The following SLC5A10 variants were observed in gnomAD, a reference collection of about 807,000 sequenced individuals.
SLC5A10 encodes sodium/mannose cotransporter SLC5A10.
In SLC5A10, 55 loss-of-function variants were observed where a neutral mutation model predicts 68.9. The ratio of observed to expected loss-of-function variants is 0.80; its 90% CI spans 0.64 to 1.00. The LOEUF (loss-of-function observed/expected upper bound fraction) is 1.00, where lower values mean the gene tolerates loss of function less well. Ranked by LOEUF, SLC5A10 falls within the 50% of genes least tolerant of loss-of-function variation. The pLI is 0.00. For synonymous variants in SLC5A10, 344 were observed against 344.8 expected (o/e 1.00, Z 0.02); for missense variants, 732 against 819.3 (o/e 0.89, Z 1.30).
At chr17:19,014,940 A>G in intron 10 of SLC5A10, 109 bp from the exon 11 acceptor site, 1 of 1,329,832 alleles carries the variant, frequency 7.5e-7, no homozygotes. Context: ...TCTGCCTTGG[A>G]GGAGCATGCA....
intron 9 of SLC5A10, among the ~76,000 whole-genome samples, chr17:18,988,759 G>A (rs1415654180): frequency 2.6e-5 from 4 of 152,236 alleles, no homozygotes; most frequent in Non-Finnish European, 4.4e-5. Context: ...GTGGCGGCTC[G>A]CTGGGGCATC....
Position 18,952,173 on chromosome 17 carries a change from G to A in SLC5A10, c.-33G>A, listed in dbSNP as rs2073078. The A allele has an allele frequency of 0.1, 164,972 of 1,599,478 alleles. 11,070 individuals carry two copies. The highest frequency in any genetic ancestry group is 0.39 in the East Asian group (17,096 of 43,844). On this transcript the variant is annotated 5_prime_UTR_variant, in exon 1 of 15. Coordinates refer to ENST00000395645, the MANE Select transcript of SLC5A10 (RefSeq NM_001042450.4). ...GACCTGGTTTGCCCCTCAGTCCCTC[G>A]GGCTCATACCTAGTGCCTGCGGCAG...
At chr17:18,967,571 G>A (rs745920237) in intron 5 of SLC5A10, among the ~76,000 whole-genome samples, 3 of 152,228 alleles carry the variant, frequency 2.0e-5, no homozygotes, top group Non-Finnish European at 4.4e-5. Context: ...CGGGCACACA[G>A]ACCCAGGTTC....
chr17:19,007,889 T>C (rs2043929096), intron 9 of SLC5A10, among the ~76,000 whole-genome samples: 1 of 152,044 alleles, frequency 6.6e-6, no homozygotes, highest in Non-Finnish European at 1.5e-5. Context: ...TTTAACGTTT[T>C]ATTTGGGAAG....
In SLC5A10 at chr17:19,004,146, T is replaced by A; in HGVS notation, c.983-9264T>A. On this transcript the variant is annotated intron_variant, in intron 9 of 14. Transcript: ENST00000395645. This position sits in a 1 kb window ranked among gnomAD's most constrained non-coding sequence, Gnocchi z 5.4. ...CGCGCTCGGGGGCCTCTCCGCGGCCTCTGCTTCTCTGCCCATGAGCAATCT... is the reference window on the plus strand; with the variant it reads ...CGCGCTCGGGGGCCTCTCCGCGGCCACTGCTTCTCTGCCCATGAGCAATCT... 9.1e-7 allele frequency: 1 copy of A among 1,102,680 alleles called. No individual in the cohort carries two copies. The highest frequency in any genetic ancestry group is 1.3e-6 in the Non-Finnish European group (1 of 780,098). The allele number at this position is 1,102,680 out of a possible 1,614,324, so 68.3% of individuals were successfully genotyped here. A position where few individuals can be genotyped will look rare whatever the true frequency, so the allele number is the denominator to read the frequency against.
intron 11 of SLC5A10, 179 bp from the exon 12 acceptor site, chr17:19,019,244 G>T: frequency 1.5e-6 from 1 of 688,756 alleles, no homozygotes; most frequent in Non-Finnish European, 2.4e-6. Context: ...GCCACCAAAG[G>T]GTTTGGAGCA....
At chr17:18,994,645 C>T (rs1156953897) in intron 9 of SLC5A10, among the ~76,000 whole-genome samples, 1 of 152,152 alleles carries the variant, frequency 6.6e-6, no homozygotes, top group African/African-American at 2.4e-5. Context: ...GTGCCCCCAG[C>T]CAGAACAGAA....
At position 19,019,974 on chromosome 17, in the gene SLC5A10, C is replaced by T. The variant is rs2044229806; in HGVS notation, c.1626+46C>T. ...GACCCTGACCCCTAACAATTTCTTA[C>T]TCTGGTCCCATTCTCATCCCCGACC... On this transcript the variant is annotated intron_variant, in intron 13 of 14. Coordinates refer to ENST00000395645, the MANE Select transcript of SLC5A10 (RefSeq NM_001042450.4). The T allele has an allele frequency of 5.2e-6, 8 of 1,535,022 alleles. No individual in the cohort carries two copies. The East Asian group carries it at 1.7e-4, about 32-fold the overall frequency.
intron 9 of SLC5A10, among the ~76,000 whole-genome samples, chr17:18,983,517 C>T (rs1162046287): frequency 1.3e-5 from 2 of 152,182 alleles, no homozygotes; most frequent in African/African-American, 4.8e-5. Flanking sequence ...AGTAGAGGCC[C>T]GGTAGAGCAG....
At chr17:18,979,025 G>C (rs2043062446) in intron 9 of SLC5A10, 2 of 709,242 alleles carry the variant, frequency 2.8e-6, no homozygotes, top group South Asian at 3.8e-5. Flanking sequence ...CGGATGTCAA[G>C]CAAGTTGGTT....
At position 18,968,959 on chromosome 17, in the gene SLC5A10, G is replaced by A. The variant is rs1361211258; in HGVS notation, c.454-93G>A. 8.1e-7 allele frequency: 1 copy of A among 1,239,524 alleles called. No individual in the cohort carries two copies. The highest frequency in any genetic ancestry group is 1.1e-6 in the Non-Finnish European group (1 of 896,074). The allele number at this position is 1,239,524 out of a possible 1,614,324, so 76.8% of individuals were successfully genotyped here. A position where few individuals can be genotyped will look rare whatever the true frequency, so the allele number is the denominator to read the frequency against. ...CCCCTCCTTATCCACAGGCCACCGA[G>A]GCCCAGAGAGGGCCTTGCCCGAGGT... On this transcript the variant is annotated intron_variant, in intron 5 of 14. Coordinates refer to ENST00000395645, the MANE Select transcript of SLC5A10 (RefSeq NM_001042450.4). The surrounding 1 kb of genome is among the most constrained non-coding windows in gnomAD (Gnocchi z 4.1).
At chr17:18,994,132 G>T (rs1208613818) in intron 9 of SLC5A10, among the ~76,000 whole-genome samples, 1 of 152,212 alleles carries the variant, frequency 6.6e-6, no homozygotes, top group Admixed American at 6.5e-5. Context: ...TGGCCATCAT[G>T]ACCTTGGATT....
chr17:18,964,069 C>T (rs2042664214), intron 5 of SLC5A10, among the ~76,000 whole-genome samples: 1 of 152,186 alleles, frequency 6.6e-6, no homozygotes, highest in African/African-American at 2.4e-5. Context: ...CACGTGGCTC[C>T]CTCATGTCCC....
chr17:19,015,082 C>A lies in SLC5A10; in HGVS notation c.1124C>A (p.Ala375Glu). The change falls in exon 11 of 15, where the codon GCG (alanine) becomes GAG (glutamate). Residue 375 changes from alanine (A) to glutamate (E), a missense_variant. By Grantham distance (107) the Ala-to-Glu change is moderately radical. Coordinates refer to ENST00000395645, the MANE Select transcript of SLC5A10 (RefSeq NM_001042450.4). Reference protein sequence around the residue: ...LRGLMIAVMLAALMSSLTSIF... With the variant: ...LRGLMIAVMLEALMSSLTSIF... ...GGGCTGATGATCGCAGTGATGCTGG[C>A]GGCGCTCATGTCGTCGCTGACCTCC... is the stretch of plus-strand genomic sequence containing the variant. 6.2e-7 allele frequency: 1 copy of A among 1,613,754 alleles called. No homozygotes were observed. Among genetic ancestry groups the A allele is most frequent in the Non-Finnish European group, 8.5e-7 (1 of 1,179,750 alleles).
chr17:18,993,193 G>C (rs1453732859), intron 9 of SLC5A10, among the ~76,000 whole-genome samples: 2 of 152,070 alleles, frequency 1.3e-5, no homozygotes, highest in Non-Finnish European at 2.9e-5. Flanking sequence ...GACGCTTCCT[G>C]ATCCCTCTCC....
intron 9 of SLC5A10, chr17:18,979,428 C>A (rs377235480): frequency 8.0e-7 from 1 of 1,250,392 alleles, no homozygotes; most frequent in South Asian, 1.5e-5. Context: ...TCCAGCCCTG[C>A]GCACACCTCA....
chr17:19,004,739 C>CGCGGCGGCT lies in SLC5A10; in HGVS notation c.983-8662_983-8654dup, dbSNP rs539060717. ...GGGCGCTGGCGGAGCGGGGCGCACA[C>CGCGGCGGCT]GCGGCGGCTGCGGCGGCGGCGCGAG... On this transcript the variant is annotated intron_variant, in intron 9 of 14. Coordinates refer to ENST00000395645, the MANE Select transcript of SLC5A10 (RefSeq NM_001042450.4). This position sits in a 1 kb window ranked among gnomAD's most constrained non-coding sequence, Gnocchi z 5.4. The CGCGGCGGCT allele has an allele frequency of 6.7e-6, 1 of 150,268 alleles. No individual in the cohort carries two copies. Among genetic ancestry groups the CGCGGCGGCT allele is most frequent in the Non-Finnish European group, 1.5e-5 (1 of 67,254 alleles). 9.3% of individuals were successfully genotyped at this position (150,268 alleles called of 1,614,324 possible). A position where few individuals can be genotyped will look rare whatever the true frequency, so the allele number is the denominator to read the frequency against.
rs372786780 is a variant in SLC5A10 at position 18,989,077 on chromosome 17, C to T, written c.982+12088C>T. Among the ~76,000 whole-genome samples the T allele has an allele frequency of 4.2e-3, 645 of 152,324 alleles. 5 individuals are homozygous for T. Among genetic ancestry groups the T allele is most frequent in the African/African-American group, 0.014 (594 of 41,574 alleles). On this transcript the variant is annotated intron_variant, in intron 9 of 14. Coordinates refer to ENST00000395645, the MANE Select transcript of SLC5A10 (RefSeq NM_001042450.4). ...TAGTCCCCTCCCTGTCCCTTGGCAG[C>T]AAGGGGAGGGAGTCAGGACAGGGCC...
chr17:19,012,604 G>C (rs1031879727), intron 9 of SLC5A10, among the ~76,000 whole-genome samples: 1 of 152,224 alleles, frequency 6.6e-6, no homozygotes, highest in Admixed American at 6.5e-5. Flanking sequence ...ACCGGAATTC[G>C]GGAAGGAGGC....
Sources: allele counts gnomAD v4.1 joint callset (sites outside exome capture counted in the v4.1 genomes callset), GRCh38; gene constraint gnomAD v4.1.1; non-coding constraint Gnocchi (gnomAD v3.1); transcripts MANE v1.5; gene names NCBI Gene and HGNC (gene_info 2026-07-23, HGNC 2026-07-21).